The following CCNB3 variants were observed in gnomAD, a reference collection of about 807,000 sequenced individuals.
CCNB3 encodes the protein cyclin B3.
Under a neutral mutation model 68.0 loss-of-function variants are expected in CCNB3, and 12 were observed. That is an observed-to-expected ratio of 0.18 (90% confidence interval 0.11 to 0.29). CCNB3 has a LOEUF of 0.29. CCNB3 is among the 10% of genes least tolerant of loss of function. The pLI, the probability that CCNB3 is intolerant of heterozygous loss-of-function variation, is 1.00. For missense variants in CCNB3, 904 were observed against 993.1 expected (o/e 0.91, Z 1.21); for synonymous variants, 354 against 388.9 (o/e 0.91, Z 1.06).
At chrX:50,286,338 T>A (rs1936231950) in intron 3 of CCNB3, among the ~76,000 whole-genome samples, 1 of 112,221 alleles carries the variant, frequency 8.9e-6, no homozygotes, top group Non-Finnish European at 1.9e-5. Flanking sequence ...TCTTGCTCAG[T>A]CACCCAGGCT....
At position 50,288,765 on chromosome X, in the gene CCNB3, CTT is replaced by C. The variant is rs1936290920; in HGVS notation, c.97-12_97-11del. ...CACAATTGGATATACTCATTTACCTCTTTTACTTTTTTAGACGGGGGAGAATT... is the reference window on the plus strand; with the variant it reads ...CACAATTGGATATACTCATTTACCTCTTACTTTTTTAGACGGGGGAGAATT... On this transcript the variant is annotated splice_polypyrimidine_tract_variant and intron_variant, in intron 3 of 12. Coordinates refer to ENST00000376042, the MANE Select transcript of CCNB3 (RefSeq NM_033031.3). The C allele has an allele frequency of 8.6e-7, 1 of 1,164,629 alleles. No homozygotes were observed.
intron 1 of CCNB3, among the ~76,000 whole-genome samples, chrX:50,226,067 C>T (rs1376636272): frequency 3.8e-4 from 26 of 68,034 alleles, no homozygotes; most frequent in Middle Eastern, 9.3e-3. Context: ...AGAATATATA[C>T]GAATATATAT....
intron 12 of CCNB3, 54 bp from the exon 13 acceptor site, chrX:50,351,553 G>A (rs1026609916): frequency 1.8e-6 from 2 of 1,110,089 alleles, no homozygotes; most frequent in East Asian, 3.0e-5. Flanking sequence ...GTTCCATAGA[G>A]CATGATTGTA....
At chrX:50,305,767 T>G (rs1465443484) in intron 5 of CCNB3, among the ~76,000 whole-genome samples, 1 of 91,499 alleles carries the variant, frequency 1.1e-5, no homozygotes, top group Non-Finnish European at 2.1e-5. Context: ...GGTTTTTTTT[T>G]CTTTCTTTCT....
At chrX:50,288,215 G>C (rs782255250) in intron 3 of CCNB3, among the ~76,000 whole-genome samples, 1 of 110,091 alleles carries the variant, frequency 9.1e-6, no homozygotes, top group Non-Finnish European at 1.9e-5. Context: ...CCCAGTGTCC[G>C]TGGAAAATTT....
At chrX:50,342,943 G>C (rs1569543517) in intron 9 of CCNB3, among the ~76,000 whole-genome samples, 1 of 111,506 alleles carries the variant, frequency 9.0e-6, no homozygotes, top group Non-Finnish European at 1.9e-5. Flanking sequence ...CCGACCTCAA[G>C]CAATCCTCCT....
chrX:50,346,588 T>C (rs781796604), intron 9 of CCNB3, 64 bp from the exon 10 acceptor site: 11 of 1,108,501 alleles, frequency 9.9e-6, no homozygotes, highest in Non-Finnish European at 1.3e-5. Flanking sequence ...TGCTGACTTT[T>C]ACCTCTAAGC....
chrX:50,314,043 AG>A, intron 8 of CCNB3, 95 bp downstream of exon 8: 1 of 582,294 alleles, frequency 1.7e-6, no homozygotes, highest in Non-Finnish European at 2.8e-6. Context: ...CTGGGTCTAT[AG>A]AGTTGAATAA....
chrX:50,316,513 A>G (rs1557215786), intron 8 of CCNB3, among the ~76,000 whole-genome samples: 1 of 111,742 alleles, frequency 8.9e-6, no homozygotes, highest in Non-Finnish European at 1.9e-5. Context: ...AGTTCTGTGA[A>G]TTTTTAGCAT....
chrX:50,302,520 G>A (rs979287725), intron 5 of CCNB3, among the ~76,000 whole-genome samples: 2 of 111,478 alleles, frequency 1.8e-5, no homozygotes, highest in African/African-American at 6.5e-5. Flanking sequence ...CAATTCAATG[G>A]TATTTAGTAT....
Position 50,311,404 on chromosome X carries a change from G to C in CCNB3, c.3235G>C (p.Val1079Leu). Residue 1079 changes from valine to leucine, a missense_variant, in exon 6 of 13, where the codon GTG becomes CTG. This residue lies in a region of CCNB3 where 285 missense variants were observed against 383.4 expected (regional missense o/e 0.74). Transcript: ENST00000376042. Reference sequence around the variant, plus strand: ...GTCCAGCATTGCAACCATGACCAGCGTGGGCAAGTCCAGGACCACCACCGA... The same window carrying C: ...GTCCAGCATTGCAACCATGACCAGCCTGGGCAAGTCCAGGACCACCACCGA... ...EKSSIATMTS[V>L]GKSRTTTESS... 1 of 1,210,500 alleles carries C rather than the reference G, an allele frequency of 8.3e-7. No individual in the cohort carries two copies. The highest frequency in any genetic ancestry group is 1.1e-6 in the Non-Finnish European group (1 of 895,217).
chrX:50,326,396 T>G (rs964439225), intron 8 of CCNB3, among the ~76,000 whole-genome samples: 40 of 112,110 alleles, frequency 3.6e-4, no homozygotes, highest in African/African-American at 1.3e-3. Context: ...TAAAAGTTCA[T>G]TATTTCTTTG....
chrX:50,331,136 G>C lies in CCNB3; in HGVS notation c.3517-11066G>C, dbSNP rs143431346. ...CCTATAGCTATGCTTCTCTTTTTGC[G>C]GGAAGCATGGACAGAGGGCAGCCCG... is the stretch of plus-strand genomic sequence containing the variant. On this transcript the variant is annotated intron_variant, in intron 8 of 12. Coordinates refer to ENST00000376042, the MANE Select transcript of CCNB3 (RefSeq NM_033031.3). Among the ~76,000 whole-genome samples the C allele has an allele frequency of 7.2e-3, 803 of 111,338 alleles. 7 individuals carry two copies. Among genetic ancestry groups the C allele is most frequent in the Middle Eastern group, 0.014 (3 of 215 alleles).
At chrX:50,292,707 T>A (rs1363695480) in intron 4 of CCNB3, among the ~76,000 whole-genome samples, 1 of 111,652 alleles carries the variant, frequency 9.0e-6, no homozygotes, top group African/African-American at 3.3e-5. Flanking sequence ...TTCCAGAGGT[T>A]TACTGTTCAT....
intron 1 of CCNB3, among the ~76,000 whole-genome samples, chrX:50,225,193 G>A (rs1935732635): frequency 1.8e-5 from 2 of 111,096 alleles, no homozygotes; most frequent in South Asian, 7.7e-4. Context: ...CTGAAGAGGG[G>A]ACGTTTAAGC....
At chrX:50,287,763 G>A (rs1194507567) in intron 3 of CCNB3, among the ~76,000 whole-genome samples, 5 of 108,264 alleles carry the variant, frequency 4.6e-5, no homozygotes, top group African/African-American at 1.3e-4. Flanking sequence ...CTTTTAAAAC[G>A]GGTCCCCAAC....
intron 9 of CCNB3, among the ~76,000 whole-genome samples, chrX:50,346,419 C>T (rs1445829513): frequency 9.0e-6 from 1 of 111,584 alleles, no homozygotes; most frequent in African/African-American, 3.3e-5. Flanking sequence ...CCAGGAGGTC[C>T]TATCCTCTAT....
intron 5 of CCNB3, among the ~76,000 whole-genome samples, chrX:50,301,902 C>T (rs1426500466): frequency 8.9e-6 from 1 of 112,532 alleles, no homozygotes; most frequent in African/African-American, 3.2e-5. Context: ...TAGCAATAAG[C>T]GAGGCTCTGT....
At chrX:50,205,677 C>G (rs1202217328) in intron 1 of CCNB3, among the ~76,000 whole-genome samples, 2 of 109,536 alleles carry the variant, frequency 1.8e-5, no homozygotes, top group East Asian at 5.8e-4. Flanking sequence ...ATTAAATAGC[C>G]AGGCGCAGTG....
Sources: allele counts gnomAD v4.1 joint callset (sites outside exome capture counted in the v4.1 genomes callset), GRCh38; gene constraint gnomAD v4.1.1; regional missense constraint gnomAD v4.1.1; transcripts MANE v1.5; gene names NCBI Gene and HGNC (gene_info 2026-07-23, HGNC 2026-07-21).